The following MGST1 variants were observed in gnomAD, a reference collection of about 807,000 sequenced individuals.
MGST1 encodes the protein glutathione S-transferase 12.
A neutral mutation model predicts 8.9 loss-of-function variants in MGST1; 5 were observed. The observed-to-expected ratio is 0.56, with a 90% confidence interval of 0.29 to 1.19. The LOEUF is 1.19. Ranked by LOEUF, MGST1 falls within the 50% of genes most tolerant of loss-of-function variation. MGST1 has a pLI of 0.08. For missense variants in MGST1, 182 were observed against 187.4 expected (o/e 0.97, Z 0.17); for synonymous variants, 54 against 67.8 (o/e 0.80, Z 1.00).
downstream of MGST1, among the ~76,000 whole-genome samples, chr12:16,590,502 CAAG>C (rs956333348): frequency 1.1e-4 from 16 of 151,610 alleles, 1 homozygote; most frequent in South Asian, 8.3e-4. Flanking sequence ...GAAAAAAATA[CAAG>C]AATATCACCC....
At chr12:16,502,348 T>C (rs116675336) in intron 4 of MGST1, among the ~76,000 whole-genome samples, 2,262 of 152,280 alleles carry the variant, frequency 0.015, 53 homozygotes, top group African/African-American at 0.052. Context: ...ACTCCCCAAG[T>C]CCCTAATAAA....
In MGST1 at chr12:16,544,451, A is replaced by G. The variant is rs932015544; in HGVS notation, n.483-45077A>G. Among the ~76,000 whole-genome samples, 3 of 152,102 alleles carry G rather than the reference A, an allele frequency of 2.0e-5. No homozygotes were observed. Among genetic ancestry groups the G allele is most frequent in the Admixed American group, 2.0e-4 (3 of 15,242 alleles). On this transcript the variant is annotated intron_variant and non_coding_transcript_variant, in intron 4 of 4. Transcript: ENST00000538857. The surrounding 1 kb of genome is among the most constrained non-coding windows in gnomAD (Gnocchi z 4.8). The stretch of plus-strand genomic sequence containing the variant: ...CTATTGAATGTGTATTTACTTATAT[A>G]GCATCAATTTGTATTCATCTCTATT...
chr12:16,375,429 T>C (rs1043931706), intron 3 of MGST1, among the ~76,000 whole-genome samples: 1 of 152,172 alleles, frequency 6.6e-6, no homozygotes, highest in Non-Finnish European at 1.5e-5. Flanking sequence ...GCGTATCCTA[T>C]TGATGGCATA....
chr12:16,588,011 G>T (rs112754727), intron 4 of MGST1, among the ~76,000 whole-genome samples: 73 of 152,090 alleles, frequency 4.8e-4, no homozygotes, highest in African/African-American at 1.7e-3. Context: ...TTTCTCTTAC[G>T]ACTTCTTTCC....
chr12:16,563,050 G>T (rs952601173), intron 4 of MGST1, among the ~76,000 whole-genome samples: 2 of 152,038 alleles, frequency 1.3e-5, no homozygotes, highest in Non-Finnish European at 2.9e-5. Flanking sequence ...CTTCTTCCAC[G>T]CACTTTCCCT....
rs1941828417 is a variant in MGST1, at chr12:16,546,770, A to T, written n.483-42758A>T. On this transcript the variant is annotated intron_variant and non_coding_transcript_variant, in intron 4 of 4. Transcript: ENST00000538857. The surrounding 1 kb of genome is among the most constrained non-coding windows in gnomAD (Gnocchi z 4.7). ...GGGAAAGTTTAGTTGGTGACTTTTT[A>T]TGTCAGGTTTGGTATTTTTTTAAAT... Among the ~76,000 whole-genome samples the T allele has an allele frequency of 6.6e-6, 1 of 151,952 alleles. No individual in the cohort carries two copies.
chr12:16,535,757 G>A (rs1053750921), intron 4 of MGST1, among the ~76,000 whole-genome samples: 3 of 152,086 alleles, frequency 2.0e-5, no homozygotes, highest in Non-Finnish European at 4.4e-5. Flanking sequence ...CCAAAAATAT[G>A]TGTCAAAAGC....
chr12:16,508,263 C>T (rs1941553720), intron 4 of MGST1, among the ~76,000 whole-genome samples: 2 of 152,118 alleles, frequency 1.3e-5, no homozygotes, highest in South Asian at 2.1e-4. Flanking sequence ...CACCTTCTTT[C>T]CCACTCATTC....
rs148592637 is a variant in MGST1 at position 16,493,796 on chromosome 12, A to C, written n.483-95732A>C. Among the ~76,000 whole-genome samples, 176 of 152,268 alleles carry C rather than the reference A, an allele frequency of 1.2e-3. No individual in the cohort carries two copies. The East Asian group carries it at 0.031, about 27-fold the overall frequency. ...AGAATCTGTTCCGTCTAGGACTTCA[A>C]ATTATTAGAATTTTAAAATTGTGGA... On this transcript the variant is annotated intron_variant and non_coding_transcript_variant, in intron 4 of 4. Coordinates refer to the MGST1 transcript ENST00000538857.
At position 16,458,288 on chromosome 12, in the gene MGST1, TG is replaced by T. The variant is rs1438246923; in HGVS notation, n.482+74688del. Among the ~76,000 whole-genome samples, 1 of 152,030 alleles carries T rather than the reference TG, an allele frequency of 6.6e-6. No individual in the cohort carries two copies. The highest frequency in any genetic ancestry group is 6.6e-5 in the Admixed American group (1 of 15,220). On this transcript the variant is annotated intron_variant and non_coding_transcript_variant, in intron 4 of 4. Transcript: ENST00000538857. The surrounding 1 kb of genome is among the most constrained non-coding windows in gnomAD (Gnocchi z 4.0). ...ACAAGTTTCAATTTAGGAGCTTGGCTGGGGTCAGCAGATTGCTTATGCTGAT... is the reference window on the plus strand; with the variant it reads ...ACAAGTTTCAATTTAGGAGCTTGGCTGGGTCAGCAGATTGCTTATGCTGAT...
chr12:16,545,739 T>C (rs1941820240), intron 4 of MGST1, among the ~76,000 whole-genome samples: 1 of 152,036 alleles, frequency 6.6e-6, no homozygotes, highest in Non-Finnish European at 1.5e-5. Flanking sequence ...CATGTTATGG[T>C]TGAAAGAAAG....
chr12:16,399,593 C>CT, intron 1 of MGST1: 1 of 1,606,806 alleles, frequency 6.2e-7, no homozygotes, highest in Non-Finnish European at 8.5e-7. Flanking sequence ...GATTAAAAGT[C>CT]TCATCTTCAA....
chr12:16,364,013 G>A lies in MGST1; in HGVS notation c.440G>A (p.Arg147Lys). ...GGAGTTACTCTTTCCATGGCTTACA[G>A]GTTGCTGAAAAGTAAATTGTACCTG... ...GYGVTLSMAYRLLKSKLYL is the reference protein window; with the variant it reads ...GYGVTLSMAYKLLKSKLYL Residue 147 changes from arginine (R) to lysine (K), a missense_variant, in exon 4 of 4, where the codon AGG (arginine) becomes AAG (lysine). Physicochemically the swap from Arg to Lys is conservative, Grantham distance 26. Coordinates refer to ENST00000396210, the MANE Select transcript of MGST1 (RefSeq NM_020300.5). This position sits in a 1 kb window ranked among gnomAD's most constrained non-coding sequence, Gnocchi z 5.7. The A allele has an allele frequency of 6.2e-7, 1 of 1,611,446 alleles. No individual in the cohort carries two copies. Among genetic ancestry groups the A allele is most frequent in the Non-Finnish European group, 8.5e-7 (1 of 1,178,442 alleles).
Position 16,487,171 on chromosome 12 carries a change from C to T in MGST1, n.483-102357C>T, listed in dbSNP as rs1235444596. 2.6e-5 allele frequency among the ~76,000 whole-genome samples: 4 copies of T among 152,136 alleles called. No individual in the cohort carries two copies. The East Asian group carries it at 7.7e-4, about 29-fold the overall frequency. On this transcript the variant is annotated intron_variant and non_coding_transcript_variant, in intron 4 of 4. Transcript: ENST00000538857. Reference sequence around the variant, plus strand: ...CTGTTGTCTCTCAAAAAAAGCTTTTCCAGAATAACATTTGTGTGTCCTCTC... The same window carrying T: ...CTGTTGTCTCTCAAAAAAAGCTTTTTCAGAATAACATTTGTGTGTCCTCTC...
intron 4 of MGST1, among the ~76,000 whole-genome samples, chr12:16,574,877 A>G (rs1027806115): frequency 6.6e-6 from 1 of 152,198 alleles, no homozygotes; most frequent in Non-Finnish European, 1.5e-5. Flanking sequence ...TCTCATAGTC[A>G]TTAACAGCAG....
At chr12:16,520,673 C>T (rs1309211254) in intron 4 of MGST1, among the ~76,000 whole-genome samples, 1 of 152,132 alleles carries the variant, frequency 6.6e-6, no homozygotes, top group Non-Finnish European at 1.5e-5. Context: ...TCTGCATTGT[C>T]TTCTCCCTCA....
In MGST1 at chr12:16,408,385, T is replaced by A. The variant is rs112426516; in HGVS notation, n.778+24781T>A. Among the ~76,000 whole-genome samples, 17 of 152,290 alleles carry A rather than the reference T, an allele frequency of 1.1e-4. 1 individual carries two copies. The highest frequency in any genetic ancestry group is 1.9e-4 in the African/African-American group (8 of 41,576). On this transcript the variant is annotated intron_variant and non_coding_transcript_variant, in intron 1 of 1. Transcript: ENST00000359720. ...CCCCGATCCTAAAATAAATTTTTTT[T>A]AAACTGTCTTTATCGCATTCTCCCT...
chr12:16,508,472 G>A (rs1427762155), intron 4 of MGST1, among the ~76,000 whole-genome samples: 1 of 152,134 alleles, frequency 6.6e-6, no homozygotes, highest in Non-Finnish European at 1.5e-5. Flanking sequence ...CCTATCTGTA[G>A]TGCCTGGTGC....
At chr12:16,357,820 C>G in intron 3 of MGST1, 121 bp downstream of exon 3, 1 of 680,192 alleles carries the variant, frequency 1.5e-6, no homozygotes, top group South Asian at 2.0e-5. Flanking sequence ...ACCTACTCCA[C>G]ATGACAATTA....
Sources: gnomAD v4.1 joint callset for allele counts (sites outside exome capture counted in the v4.1 genomes callset) on GRCh38, gnomAD v4.1.1 for gene constraint, Gnocchi (gnomAD v3.1) non-coding constraint, MANE v1.5 for transcripts, NCBI Gene and HGNC (gene_info 2026-07-23, HGNC 2026-07-21) for gene names.